The following IPO7 variants were observed in gnomAD, a reference collection of about 807,000 sequenced individuals.
IPO7 encodes the protein importin 7.
A neutral mutation model predicts 136.4 loss-of-function variants in IPO7; 13 were observed. The ratio of observed to expected loss-of-function variants is 0.10; its 90% CI spans 0.06 to 0.15. The LOEUF is 0.15. Among genes scored for constraint, IPO7 ranks in the 10% least tolerant of loss-of-function variants. IPO7 has a pLI of 1.00. For synonymous variants in IPO7, 403 were observed against 404.4 expected (o/e 1.00, Z 0.04); for missense variants, 857 against 1,240.6 (o/e 0.69, Z 4.65).
intron 18 of IPO7, 76 bp downstream of exon 18, chr11:9,433,922 AC>A: frequency 3.3e-6 from 4 of 1,213,642 alleles, no homozygotes; most frequent in Admixed American, 3.0e-5. Flanking sequence ...TTGAACATAC[AC>A]TTTTTTTTTT....
At chr11:9,403,946 C>G (rs763019892) in intron 2 of IPO7, among the ~76,000 whole-genome samples, 13 of 152,164 alleles carry the variant, frequency 8.5e-5, no homozygotes, top group Non-Finnish European at 1.8e-4. Context: ...TCTGCAACCT[C>G]TGCCTCCCAG....
At chr11:9,404,099 A>G (rs1854839718) in intron 2 of IPO7, among the ~76,000 whole-genome samples, 1 of 152,216 alleles carries the variant, frequency 6.6e-6, no homozygotes, top group South Asian at 2.1e-4. Flanking sequence ...CAATAATTTC[A>G]TCATTCTAGA....
At chr11:9,421,926 A>G (rs915309073) in intron 8 of IPO7, among the ~76,000 whole-genome samples, 10 of 152,030 alleles carry the variant, frequency 6.6e-5, no homozygotes, top group African/African-American at 2.4e-4. Context: ...CCTGGGCGAC[A>G]GAGCAAGACT....
Position 9,438,045 on chromosome 11 carries a change from GTTTTTTT to G in IPO7, c.2490-9_2490-3del, listed in dbSNP as rs202038310. 1.5e-3 allele frequency: 1,619 copies of G among 1,092,280 alleles called. 2 individuals carry two copies. The highest frequency in any genetic ancestry group is 9.7e-3 in the African/African-American group (321 of 33,202). 67.7% of individuals were successfully genotyped at this position (1,092,280 alleles called of 1,614,324 possible). On this transcript the variant is annotated intron_variant, in intron 21 of 24. Coordinates refer to ENST00000379719, the MANE Select transcript of IPO7 (RefSeq NM_006391.3). The stretch of plus-strand genomic sequence containing the variant: ...TCTGCTTATTTAAGAAAAGAAAACA[GTTTTTTT>G]TTTTTTTTTTTTTTTTTTTTTTTTT...
At position 9,394,431 on chromosome 11, in the gene IPO7, T is replaced by C. The variant is rs540802975; in HGVS notation, c.85-8859T>C. ...TGTATAGTAGAATAGGGGCCTAGGT[T>C]TTTGAGGCCTGTTGCTACTACCTGT... On this transcript the variant is annotated intron_variant, in intron 1 of 24. Transcript: ENST00000379719. Among the ~76,000 whole-genome samples the C allele has an allele frequency of 9.6e-4, 146 of 152,254 alleles. 1 individual carries two copies. Among genetic ancestry groups the C allele is most frequent in the Admixed American group, 2.9e-3 (44 of 15,288 alleles).
intron 1 of IPO7, among the ~76,000 whole-genome samples, chr11:9,388,484 A>G (rs1050196202): frequency 2.7e-4 from 40 of 145,814 alleles, no homozygotes; most frequent in African/African-American, 9.8e-4. Context: ...CTATTTATTT[A>G]TATTTATTTT....
At chr11:9,397,332 T>TAAAAAA (rs757736784) in intron 1 of IPO7, among the ~76,000 whole-genome samples, 178 of 12,082 alleles carry the variant, frequency 0.015, 49 homozygotes, top group East Asian at 0.12. Context: ...TAAAAATAAT[T>TAAAAAA]TAAAAAAAAA....
rs771839241 is a variant in IPO7 at position 9,420,763 on chromosome 11, T to A, written c.906+65T>A. The A allele has an allele frequency of 3.1e-4, 340 of 1,094,230 alleles. 1 individual carries two copies. Among genetic ancestry groups the A allele is most frequent in the Admixed American group, 1.2e-3 (67 of 54,894 alleles). 67.8% of individuals were successfully genotyped at this position (1,094,230 alleles called of 1,614,324 possible). ...TCTTTAAGTTAATTTATATATTGCT[T>A]ATTCCCAGTTTCTTTGACATCTAAA... On this transcript the variant is annotated intron_variant, in intron 8 of 24. Coordinates refer to ENST00000379719, the MANE Select transcript of IPO7 (RefSeq NM_006391.3).
chr11:9,424,670 G>A (rs1855179099), intron 10 of IPO7, among the ~76,000 whole-genome samples: 1 of 152,110 alleles, frequency 6.6e-6, no homozygotes, highest in Non-Finnish European at 1.5e-5. Flanking sequence ...TTGAACCTGG[G>A]AGATGGAGGT....
chr11:9,396,177 C>A (rs1387675684), intron 1 of IPO7, among the ~76,000 whole-genome samples: 1 of 151,910 alleles, frequency 6.6e-6, no homozygotes, highest in African/African-American at 2.4e-5. Context: ...GGGTGGACCA[C>A]TTGAGGTCAG....
Position 9,410,048 on chromosome 11 carries a change from A to T in IPO7, c.441A>T (p.Gly147=), listed in dbSNP as rs764265053. 1 of 1,604,070 alleles carries T rather than the reference A, an allele frequency of 6.2e-7. No individual in the cohort carries two copies. Among genetic ancestry groups the T allele is most frequent in the Non-Finnish European group, 8.5e-7 (1 of 1,176,274 alleles). Residue 147 remains glycine (G), a synonymous_variant, in exon 4 of 25, where the codon GGA becomes GGT. Coordinates refer to ENST00000379719, the MANE Select transcript of IPO7 (RefSeq NM_006391.3). ...CCGATAACAGTGCTTGTTGGCTAGG[A>T]ATTCTTCTTTGCCTTTATCAGCTTG... ...LQSDNSACWL[G]ILLCLYQLVK... is the part of the protein sequence containing the mutation.
chr11:9,395,724 T>C (rs1854698384), intron 1 of IPO7, among the ~76,000 whole-genome samples: 1 of 152,228 alleles, frequency 6.6e-6, no homozygotes, highest in South Asian at 2.1e-4. Context: ...TATAAAGTTA[T>C]GCTTTTTTTT....
intron 16 of IPO7, 62 bp from the exon 17 acceptor site, chr11:9,433,508 G>T (rs1011096315): frequency 8.1e-6 from 9 of 1,114,560 alleles, no homozygotes; most frequent in Non-Finnish European, 4.1e-6. Flanking sequence ...TATAATATGC[G>T]TTGTCTTACT....
intron 1 of IPO7, among the ~76,000 whole-genome samples, chr11:9,396,052 C>T (rs1245024934): frequency 6.6e-6 from 1 of 151,868 alleles, no homozygotes; most frequent in African/African-American, 2.4e-5. Context: ...ATCCATTGCA[C>T]TTTTAAAATT....
At chr11:9,386,527 C>A (rs768552593) in intron 1 of IPO7, among the ~76,000 whole-genome samples, 1 of 152,110 alleles carries the variant, frequency 6.6e-6, no homozygotes, top group East Asian at 1.9e-4. Context: ...TTGCTCTAAT[C>A]GCGTATTATT....
At chr11:9,436,194 A>G (rs1357893016) in intron 19 of IPO7, 77 bp from the exon 20 acceptor site, 8 of 916,530 alleles carry the variant, frequency 8.7e-6, no homozygotes, top group Non-Finnish European at 1.4e-5. Flanking sequence ...TACACAGGGT[A>G]GGAAATTGTT....
intron 1 of IPO7, among the ~76,000 whole-genome samples, chr11:9,399,004 T>C (rs1423730095): frequency 1.3e-5 from 2 of 152,188 alleles, no homozygotes; most frequent in African/African-American, 4.8e-5. Context: ...GAAGGTGCAG[T>C]AGAAAGCTTG....
chr11:9,384,980 A>C, intron 1 of IPO7, 133 bp downstream of exon 1: 1 of 668,728 alleles, frequency 1.5e-6, no homozygotes, highest in Non-Finnish European at 2.5e-6. Flanking sequence ...CGGACATCTG[A>C]CGGCGACTTC....
rs1185213585 is a variant in IPO7, at chr11:9,384,709, G to T, written c.-55G>T. ...CGGGTCCATGTGCGCAGTGAGTGGC[G>T]CTATTCCTGGCCCAGTAGCACCCGA... On this transcript the variant is annotated 5_prime_UTR_variant, in exon 1 of 25. Coordinates refer to ENST00000379719, the MANE Select transcript of IPO7 (RefSeq NM_006391.3). 7.0e-7 allele frequency: 1 copy of T among 1,433,646 alleles called. No individual in the cohort carries two copies. Among genetic ancestry groups the T allele is most frequent in the African/African-American group, 1.4e-5 (1 of 69,634 alleles). The allele number at this position is 1,433,646 out of a possible 1,614,324, so 88.8% of individuals were successfully genotyped here.
Sources: allele counts gnomAD v4.1 joint callset (sites outside exome capture counted in the v4.1 genomes callset), GRCh38; gene constraint gnomAD v4.1.1; transcripts MANE v1.5; gene names NCBI Gene and HGNC (gene_info 2026-07-23, HGNC 2026-07-21).